Variants in FAAH2 observed in about 807,000 individuals in gnomAD.
The protein encoded by FAAH2 is fatty acid amide hydrolase 2.
A neutral mutation model predicts 36.9 loss-of-function variants in FAAH2; 60 were observed. That is an observed-to-expected ratio of 1.63 (90% CI 1.32 to 2.02). FAAH2 has a LOEUF of 2.02. Among genes scored for constraint, FAAH2 ranks in the 30% most tolerant of loss-of-function variants. The probability of loss-of-function intolerance (pLI) is 0.00; values close to 1 mark genes in which losing one functional copy is unlikely to be tolerated. For missense variants in FAAH2, 689 were observed against 397.5 expected (o/e 1.73, Z -6.23); for synonymous variants, 214 against 143.8 (o/e 1.49, Z -3.49).
the FAAH2 span, chrX:57,135,805 A>C: frequency 1.0e-5 from 12 of 1,154,316 alleles, no homozygotes; most frequent in Middle Eastern, 4.9e-4. Flanking sequence ...ACATGTGCCA[A>C]ATTTTACCCT....
chrX:57,341,356 C>T lies in FAAH2; in HGVS notation c.708C>T (p.Phe236=), dbSNP rs761882094. The part of the protein sequence containing the change: ...DIGGSIRMPA[F]FNGIFGHKPS... ...GTGGTAGCATTCGAATGCCTGCTTT[C>T]TTCAATGGTATATTTGGACACAAGC... Residue 236 remains phenylalanine (F), a synonymous_variant, in exon 5 of 11, where the codon TTC becomes TTT. Coordinates refer to ENST00000374900, the MANE Select transcript of FAAH2 (RefSeq NM_174912.4). The T allele has an allele frequency of 4.1e-6, 5 of 1,208,590 alleles. No individual in the cohort carries two copies. In the African/African-American group the frequency reaches 8.8e-5, roughly 21 times the overall value.
intron 7 of FAAH2, among the ~76,000 whole-genome samples, chrX:57,427,905 G>A (rs1052902458): frequency 9.0e-6 from 1 of 111,415 alleles, no homozygotes; most frequent in Admixed American, 9.5e-5. Context: ...TGTAGCCAGG[G>A]CAGTCAGGCA....
rs761101940 is a variant in FAAH2 at position 57,288,871 on chromosome X, C to T, written c.192+1854C>T. ...ACTAGCCATTTTTTATTCATGCTTGCCCATGAGATGAGATGATCTAGATAT... is the reference window on the plus strand; with the variant it reads ...ACTAGCCATTTTTTATTCATGCTTGTCCATGAGATGAGATGATCTAGATAT... On this transcript the variant is annotated intron_variant, in intron 1 of 10. Coordinates refer to ENST00000374900, the MANE Select transcript of FAAH2 (RefSeq NM_174912.4). Among the ~76,000 whole-genome samples, 17 of 110,880 alleles carry T rather than the reference C, an allele frequency of 1.5e-4. No individual in the cohort carries two copies. In the South Asian group the frequency reaches 6.5e-3, roughly 42 times the overall value.
intron 7 of FAAH2, among the ~76,000 whole-genome samples, chrX:57,387,416 G>T (rs955840888): frequency 2.7e-5 from 3 of 110,931 alleles, no homozygotes; most frequent in Non-Finnish European, 5.7e-5. Flanking sequence ...TAGGATGTAC[G>T]ATGAAAATGA....
intron 7 of FAAH2, among the ~76,000 whole-genome samples, chrX:57,384,615 C>T (rs1156295336): frequency 9.0e-6 from 1 of 110,828 alleles, no homozygotes; most frequent in African/African-American, 3.2e-5. Flanking sequence ...CAAATCAAAA[C>T]CACAATGAGA....
intron 5 of FAAH2, among the ~76,000 whole-genome samples, chrX:57,353,208 G>A (rs1029495726): frequency 9.1e-6 from 1 of 109,595 alleles, no homozygotes; most frequent in Non-Finnish European, 1.9e-5. Flanking sequence ...ATTATGAGGC[G>A]ACAGTAAGCA....
At chrX:57,398,774 G>A (rs2055363633) in intron 7 of FAAH2, among the ~76,000 whole-genome samples, 1 of 111,202 alleles carries the variant, frequency 9.0e-6, no homozygotes, top group Non-Finnish European at 1.9e-5. Flanking sequence ...CTGACTGGTC[G>A]GGTGTGAGCT....
At chrX:57,184,188 A>G in the FAAH2 span, among the ~76,000 whole-genome samples, 1 of 110,853 alleles carries the variant, frequency 9.0e-6, no homozygotes, top group Admixed American at 9.6e-5. Flanking sequence ...TCTTTGTTGG[A>G]CCCTTATCAG....
At chrX:57,256,943 T>C in the FAAH2 span, among the ~76,000 whole-genome samples, 4 of 112,079 alleles carry the variant, frequency 3.6e-5, no homozygotes, top group Non-Finnish European at 7.5e-5. Flanking sequence ...TATGAAAAAA[T>C]GCTCATCATC....
At chrX:57,473,354 T>C (rs1264521903) in intron 10 of FAAH2, among the ~76,000 whole-genome samples, 1 of 111,795 alleles carries the variant, frequency 8.9e-6, no homozygotes, top group African/African-American at 3.2e-5. Context: ...TTTCTTGTTA[T>C]TGCTTTCTAA....
chrX:57,253,526 C>A, the FAAH2 span, among the ~76,000 whole-genome samples: 2 of 111,660 alleles, frequency 1.8e-5, no homozygotes, highest in Admixed American at 9.5e-5. Flanking sequence ...AGAGAAAGGT[C>A]AGGTTACCCG....
chrX:57,341,204 G>A, intron 4 of FAAH2, 67 bp from the exon 5 acceptor site: 2 of 1,096,114 alleles, frequency 1.8e-6, no homozygotes, highest in Non-Finnish European at 2.4e-6. Context: ...TGAAAAGATG[G>A]AAAAAGATAT....
At chrX:57,148,690 G>T in the FAAH2 span, among the ~76,000 whole-genome samples, 1 of 111,643 alleles carries the variant, frequency 9.0e-6, no homozygotes, top group Non-Finnish European at 1.9e-5. Flanking sequence ...TAGATATACA[G>T]TGATGTGATC....
At chrX:57,457,110 C>A (rs1334059053) in intron 10 of FAAH2, among the ~76,000 whole-genome samples, 1 of 111,697 alleles carries the variant, frequency 9.0e-6, no homozygotes, top group Non-Finnish European at 1.9e-5. Flanking sequence ...CACAGTCATG[C>A]AAGTTTTATT....
Position 57,401,378 on chromosome X carries a change from G to T in FAAH2, c.996+20349G>T, listed in dbSNP as rs191527821. Among the ~76,000 whole-genome samples, 433 of 111,332 alleles carry T rather than the reference G, an allele frequency of 3.9e-3. 2 individuals are homozygous for T. The highest frequency in any genetic ancestry group is 0.014 in the African/African-American group (419 of 30,613). On this transcript the variant is annotated intron_variant, in intron 7 of 10. Coordinates refer to ENST00000374900, the MANE Select transcript of FAAH2 (RefSeq NM_174912.4). ...CTTCAAAGGCAAACAAGAATTGAGA[G>T]TCAGGATGTACAGGGATGCAGAAAA...
At chrX:57,342,056 T>C (rs1398077294) in intron 5 of FAAH2, among the ~76,000 whole-genome samples, 1 of 112,007 alleles carries the variant, frequency 8.9e-6, no homozygotes, top group Non-Finnish European at 1.9e-5. Context: ...AATTGTGGTA[T>C]AGTAAAGCAG....
chrX:57,223,943 G>A, the FAAH2 span, among the ~76,000 whole-genome samples: 12 of 111,303 alleles, frequency 1.1e-4, no homozygotes, highest in Middle Eastern at 4.7e-3. Context: ...AAAAAATTAC[G>A]TCTGTCCTTA....
intron 2 of FAAH2, among the ~76,000 whole-genome samples, chrX:57,306,994 G>GGTATATATATATATATAT (rs2052556093): frequency 3.2e-5 from 1 of 31,023 alleles, no homozygotes; most frequent in African/African-American, 7.2e-5. Context: ...CACACACACA[G>GGTATATATATATATATAT]ATACATATAT....
At chrX:57,466,150 C>CTATATATA (rs1448015750) in intron 10 of FAAH2, among the ~76,000 whole-genome samples, 59 of 75,601 alleles carry the variant, frequency 7.8e-4, no homozygotes, top group African/African-American at 2.2e-3. Flanking sequence ...CTCTCTCTCT[C>CTATATATA]TCTCTCTATA....
Sources: gnomAD v4.1 joint callset for allele counts (sites outside exome capture counted in the v4.1 genomes callset) on GRCh38, gnomAD v4.1.1 for gene constraint, MANE v1.5 for transcripts, NCBI Gene and HGNC (gene_info 2026-07-23, HGNC 2026-07-21) for gene names.